DACH1: variants seen among roughly 807,000 people sequenced by gnomAD.
DACH1 encodes the protein dachshund family transcription factor 1, also known as dachshund homolog 1.
A neutral mutation model predicts 54.2 loss-of-function variants in DACH1; 12 were observed. That is an observed-to-expected ratio of 0.22 (90% CI 0.14 to 0.36). The LOEUF (loss-of-function observed/expected upper bound fraction) is 0.36, where lower values mean the gene tolerates loss of function less well. Among genes scored for constraint, DACH1 ranks in the 10% least tolerant of loss-of-function variants. DACH1 has a pLI of 1.00. For synonymous variants in DACH1, 386 were observed against 366.2 expected, an observed-to-expected ratio of 1.05 and a Z score of -0.62; for missense variants, 805 against 929.8, an observed-to-expected ratio of 0.87 and a Z score of 1.75.
At chr13:71,708,210 C>T (rs1882539626) in intron 1 of DACH1, among the ~76,000 whole-genome samples, 1 of 151,668 alleles carries the variant, frequency 6.6e-6, no homozygotes, top group African/African-American at 2.4e-5. Context: ...TCCTGTGCCT[C>T]GATCTATAAC....
At chr13:71,763,367 G>T (rs1885482020) in intron 1 of DACH1, among the ~76,000 whole-genome samples, 1 of 152,132 alleles carries the variant, frequency 6.6e-6, no homozygotes, top group Non-Finnish European at 1.5e-5. Flanking sequence ...TTGCTTATAA[G>T]ATATTACAGG....
intron 3 of DACH1, among the ~76,000 whole-genome samples, chr13:71,596,236 A>C (rs183316347): frequency 6.6e-6 from 1 of 152,228 alleles, no homozygotes; most frequent in African/African-American, 2.4e-5. Context: ...CTTACTTACT[A>C]TTCCCTTGTT....
intron 1 of DACH1, among the ~76,000 whole-genome samples, chr13:71,803,660 A>G (rs117712047): frequency 7.6e-4 from 115 of 152,284 alleles, no homozygotes; most frequent in Non-Finnish European, 1.3e-3. Context: ...TCATGACCCT[A>G]TTAGACATTT....
chr13:71,683,056 A>G (rs1880990741), intron 1 of DACH1, among the ~76,000 whole-genome samples: 1 of 152,138 alleles, frequency 6.6e-6, no homozygotes, highest in African/African-American at 2.4e-5. Context: ...TTATCAGAAG[A>G]TTCAAAGATG....
chr13:71,686,968 A>C (rs1001851001), intron 1 of DACH1, among the ~76,000 whole-genome samples: 1 of 152,190 alleles, frequency 6.6e-6, no homozygotes, highest in Non-Finnish European at 1.5e-5. Context: ...GGACAATAAA[A>C]TTAAATAATC....
At chr13:71,731,690 T>C (rs569202967) in intron 1 of DACH1, among the ~76,000 whole-genome samples, 10 of 152,282 alleles carry the variant, frequency 6.6e-5, no homozygotes, top group African/African-American at 2.4e-4. Context: ...GCTGTCAGAA[T>C]TGCTTGAGGT....
chr13:71,629,557 C>T (rs1484340678), intron 3 of DACH1, among the ~76,000 whole-genome samples: 2 of 152,082 alleles, frequency 1.3e-5, no homozygotes, highest in Non-Finnish European at 2.9e-5. Context: ...ATGATTGTTA[C>T]TAAAATCCAC....
intron 1 of DACH1, among the ~76,000 whole-genome samples, chr13:71,856,710 T>C (rs59275132): frequency 6.6e-6 from 1 of 152,054 alleles, no homozygotes; most frequent in African/African-American, 2.4e-5. Context: ...GCAAAAAATG[T>C]ATGCCTGCTT....
At chr13:71,548,136 A>T (rs1425192229) in intron 6 of DACH1, among the ~76,000 whole-genome samples, 1 of 152,232 alleles carries the variant, frequency 6.6e-6, no homozygotes, top group Admixed American at 6.5e-5. Context: ...TTAAAAATTT[A>T]GATACTTGGA....
At chr13:71,805,731 G>T (rs953683632) in intron 1 of DACH1, among the ~76,000 whole-genome samples, 1 of 152,090 alleles carries the variant, frequency 6.6e-6, no homozygotes, top group Admixed American at 6.6e-5. Flanking sequence ...TTAGGAGGAG[G>T]TTTTATTTTA....
At chr13:71,590,641 T>A (rs1197556798) in intron 3 of DACH1, among the ~76,000 whole-genome samples, 1 of 152,124 alleles carries the variant, frequency 6.6e-6, no homozygotes, top group Non-Finnish European at 1.5e-5. Flanking sequence ...ATGAATGAGA[T>A]GCATAAGAAA....
chr13:71,821,640 T>G (rs1888192341), intron 1 of DACH1, among the ~76,000 whole-genome samples: 1 of 152,126 alleles, frequency 6.6e-6, no homozygotes, highest in Non-Finnish European at 1.5e-5. Context: ...GAGAGTACAG[T>G]TCTATTTTTT....
chr13:71,528,414 A>C (rs1322753282), intron 6 of DACH1, among the ~76,000 whole-genome samples: 4 of 148,064 alleles, frequency 2.7e-5, no homozygotes, highest in African/African-American at 9.8e-5. Flanking sequence ...AGAAACGGAA[A>C]AACAGATTTT....
chr13:71,627,895 G>T (rs1876779595), intron 3 of DACH1, among the ~76,000 whole-genome samples: 1 of 151,986 alleles, frequency 6.6e-6, no homozygotes, highest in Non-Finnish European at 1.5e-5. Context: ...GGTAAGAAAG[G>T]AAGAAGGTGA....
intron 1 of DACH1, among the ~76,000 whole-genome samples, chr13:71,714,627 A>T (rs950123209): frequency 5.3e-5 from 8 of 152,212 alleles, no homozygotes; most frequent in African/African-American, 1.9e-4. Context: ...TATATTTAGT[A>T]AAGATTCCTT....
At chr13:71,675,611 G>C in intron 2 of DACH1, 2 of 611,028 alleles carry the variant, frequency 3.3e-6, no homozygotes. Flanking sequence ...ATGATTGCGA[G>C]TGGAAAAATA....
At chr13:71,583,293 C>T (rs1872977457) in intron 3 of DACH1, among the ~76,000 whole-genome samples, 1 of 152,048 alleles carries the variant, frequency 6.6e-6, no homozygotes, top group Admixed American at 6.5e-5. Context: ...CTAAATCAGT[C>T]ACATTCATTT....
At chr13:71,740,578 G>A (rs1884338776) in intron 1 of DACH1, among the ~76,000 whole-genome samples, 1 of 152,020 alleles carries the variant, frequency 6.6e-6, no homozygotes. Context: ...GAAAAAAATT[G>A]TTTATGTTAA....
At chr13:71,464,555 C>G (rs1193224631) in intron 10 of DACH1, 1 of 421,724 alleles carries the variant, frequency 2.4e-6, no homozygotes, top group East Asian at 7.3e-5. Context: ...TTTGGCTTCT[C>G]TCAGCACAAA....
Sources: gnomAD v4.1 joint callset for allele counts (sites outside exome capture counted in the v4.1 genomes callset) on GRCh38, gnomAD v4.1.1 for gene constraint, MANE v1.5 for transcripts, NCBI Gene and HGNC (gene_info 2026-07-23, HGNC 2026-07-21) for gene names.